P2RX7: variants seen among roughly 807,000 people sequenced by gnomAD.
The protein encoded by P2RX7 is P2X purinoceptor 7.
P2RX7 carries 62 observed loss-of-function variants against 71.6 expected under a neutral mutation model. The observed-to-expected ratio is 0.87, with a 90% confidence interval of 0.71 to 1.07. The LOEUF is 1.07. Ranked by LOEUF, P2RX7 falls within the 50% of genes least tolerant of loss-of-function variation. The pLI is 0.00. For missense variants in P2RX7, 686 were observed against 748.5 expected, an observed-to-expected ratio of 0.92 and a Z score of 0.97; for synonymous variants, 299 against 283.3, an observed-to-expected ratio of 1.06 and a Z score of -0.56.
At chr12:121,158,212 A>G (rs553554061) in intron 3 of P2RX7, among the ~76,000 whole-genome samples, 1 of 152,204 alleles carries the variant, frequency 6.6e-6, no homozygotes, top group East Asian at 1.9e-4. Flanking sequence ...AACTACCCTG[A>G]TCATGGTGGG....
In P2RX7 at chr12:121,163,327, TACACAC is replaced by T. The variant is rs113687409; in HGVS notation, c.533+832_533+837del. ...AGGTAAGCCCCATGCATGCCTGGCT[TACACAC>T]ACACACACACACACACACACACACG... On this transcript the variant is annotated intron_variant, in intron 5 of 12. Transcript: ENST00000328963. Among the ~76,000 whole-genome samples the T allele has an allele frequency of 2.3e-3, 337 of 145,232 alleles. 1 individual carries two copies. Among genetic ancestry groups the T allele is most frequent in the Middle Eastern group, 7.0e-3 (2 of 284 alleles).
At chr12:121,145,617 C>T (rs533622340) in intron 1 of P2RX7, among the ~76,000 whole-genome samples, 4 of 152,136 alleles carry the variant, frequency 2.6e-5, no homozygotes, top group African/African-American at 7.2e-5. Flanking sequence ...AGTGATTCTC[C>T]TGCCTCAGCC....
At chr12:121,174,156 T>C (rs1882692110) in intron 8 of P2RX7, among the ~76,000 whole-genome samples, 1 of 149,536 alleles carries the variant, frequency 6.7e-6, no homozygotes, top group South Asian at 2.1e-4. Flanking sequence ...CAAGTGATTC[T>C]CGTGCCTCAG....
chr12:121,143,158 T>C (rs1347758815), intron 1 of P2RX7, among the ~76,000 whole-genome samples: 1 of 147,860 alleles, frequency 6.8e-6, no homozygotes, highest in African/African-American at 2.5e-5. Context: ...GGTGGGCAGA[T>C]CACCTGGGTT....
Position 121,166,130 on chromosome 12 carries a change from C to T in P2RX7, c.687C>T (p.Phe229=), listed in dbSNP as rs1214996936. 1.9e-6 allele frequency: 3 copies of T among 1,614,048 alleles called. No individual in the cohort carries two copies. Among genetic ancestry groups the T allele is most frequent in the Admixed American group, 3.3e-5 (2 of 60,028 alleles). ...HKTQNPQCPI[F]RLGDIFRETG... ...CTCAGAATCCACAGTGTCCCATTTTCCGACTAGGAGACATCTTCCGAGAAA... is the reference window on the plus strand; with the variant it reads ...CTCAGAATCCACAGTGTCCCATTTTTCGACTAGGAGACATCTTCCGAGAAA... The change falls in exon 7 of 13, where the codon TTC becomes TTT. Residue 229 remains phenylalanine (F), a synonymous_variant. Transcript: ENST00000328963.
rs1182413268 is a variant in P2RX7 at position 121,184,716 on chromosome 12, A to G, written c.1702A>G (p.Ile568Val). ...FGSQDMADFA[I>V]LPSCCRWRIR... ...CTCCCAGGACATGGCTGACTTTGCCATCCTGCCCAGCTGCTGCCGCTGGAG... is the reference window on the plus strand; with the variant it reads ...CTCCCAGGACATGGCTGACTTTGCCGTCCTGCCCAGCTGCTGCCGCTGGAG... The change falls in exon 13 of 13, where the codon ATC becomes GTC. Residue 568 changes from isoleucine to valine, a missense_variant. Transcript: ENST00000328963. 1.3e-6 allele frequency: 2 copies of G among 1,563,264 alleles called. No individual in the cohort carries two copies. Among genetic ancestry groups the G allele is most frequent in the Middle Eastern group, 1.7e-4 (1 of 6,024 alleles).
At chr12:121,172,464 T>C (rs2136121947) in intron 8 of P2RX7, among the ~76,000 whole-genome samples, 1 of 152,268 alleles carries the variant, frequency 6.6e-6, no homozygotes, top group East Asian at 1.9e-4. Flanking sequence ...CCATCATCTC[T>C]ATAAAAAAAT....
intron 5 of P2RX7, 36 bp from the exon 6 acceptor site, chr12:121,165,321 C>T (rs1197354505): frequency 1.8e-5 from 29 of 1,569,372 alleles, no homozygotes; most frequent in Non-Finnish European, 2.3e-5. Flanking sequence ...CGGTTCCCCC[C>T]GTCACTAATG....
intron 3 of P2RX7, among the ~76,000 whole-genome samples, chr12:121,160,239 C>A (rs1879396802): frequency 6.6e-6 from 1 of 152,086 alleles, no homozygotes; most frequent in South Asian, 2.1e-4. Flanking sequence ...CCTCCACCTC[C>A]CAGGTTCAAG....
At chr12:121,177,093 A>T in intron 9 of P2RX7, 54 bp from the exon 10 acceptor site, 7 of 1,508,196 alleles carry the variant, frequency 4.6e-6, no homozygotes, top group Non-Finnish European at 6.5e-6. Flanking sequence ...ACGTTGAAGC[A>T]AAAGAGCGTT....
intron 1 of P2RX7, among the ~76,000 whole-genome samples, chr12:121,133,424 G>A (rs181065325): frequency 6.6e-6 from 1 of 152,232 alleles, no homozygotes; most frequent in Non-Finnish European, 1.5e-5. Flanking sequence ...GGATCTCAGG[G>A]CACGCCTGGT....
Position 121,184,585 on chromosome 12 carries a change from A to C in P2RX7, c.1571A>C (p.Gln524Pro). The C allele has an allele frequency of 6.2e-7, 1 of 1,614,104 alleles. No homozygotes were observed. Among genetic ancestry groups the C allele is most frequent in the Non-Finnish European group, 8.5e-7 (1 of 1,180,000 alleles). Reference sequence around the variant, plus strand: ...CTGGTCCTGTCCAGACACGTCCTGCAGTTCCTCCTGCTCTACCAGGAGCCC... The same window carrying C: ...CTGGTCCTGTCCAGACACGTCCTGCCGTTCCTCCTGCTCTACCAGGAGCCC... ...RKLVLSRHVLQFLLLYQEPLL... is the reference protein window; with the variant it reads ...RKLVLSRHVLPFLLLYQEPLL... Residue 524 changes from glutamine (Q) to proline (P), a missense_variant, in exon 13 of 13, where the codon CAG (glutamine) becomes CCG (proline). Physicochemically the swap from Gln to Pro is moderately conservative, Grantham distance 76 (BLOSUM62 -1). Transcript: ENST00000328963.
chr12:121,171,974 G>C (rs966312647), intron 8 of P2RX7, among the ~76,000 whole-genome samples: 3 of 149,866 alleles, frequency 2.0e-5, no homozygotes, highest in African/African-American at 7.4e-5. Flanking sequence ...CGATTCTCTT[G>C]CCTCAGCCTC....
chr12:121,153,969 A>C (rs147581777), intron 1 of P2RX7, among the ~76,000 whole-genome samples: 3 of 152,200 alleles, frequency 2.0e-5, no homozygotes, highest in African/African-American at 7.2e-5. Context: ...AAAAATAATA[A>C]AAACTAGCTG....
At chr12:121,158,874 T>G (rs750628818) in intron 3 of P2RX7, among the ~76,000 whole-genome samples, 17 of 152,314 alleles carry the variant, frequency 1.1e-4, no homozygotes, top group Middle Eastern at 3.4e-3. Context: ...CTTCCATGAC[T>G]ATCAAGACCT....
rs772281259 is a variant in P2RX7, at chr12:121,165,394, C to T, written c.571C>T (p.Leu191Phe). Residue 191 changes from leucine to phenylalanine, a missense_variant, in exon 6 of 13, where the codon CTC (leucine) becomes TTC (phenylalanine). Transcript: ENST00000328963. ...GAACAGTGCCGAAAACTTCACTGTG[C>T]TCATCAAGAACAATATCGACTTCCC... ...LLNSAENFTV[L>F]IKNNIDFPGH... The T allele has an allele frequency of 1.9e-6, 3 of 1,613,974 alleles. No individual in the cohort carries two copies. Among genetic ancestry groups the T allele is most frequent in the Non-Finnish European group, 2.5e-6 (3 of 1,180,016 alleles).
At chr12:121,182,042 CAACAGAACAAGCTCCATCTA>C (rs1884228408) in intron 12 of P2RX7, among the ~76,000 whole-genome samples, 1 of 142,406 alleles carries the variant, frequency 7.0e-6, no homozygotes, top group African/African-American at 2.7e-5. Context: ...CTAGCCTGGG[CAACAGAACAAGCTCCATCTA>C]AAAAAAAAAA....
Position 121,165,380 on chromosome 12 carries a change from A to T in P2RX7, c.557A>T (p.Glu186Val), listed in dbSNP as rs978360392. The T allele has an allele frequency of 2.5e-6, 4 of 1,613,994 alleles. No homozygotes were observed. The African/African-American group carries it at 4.0e-5, about 16-fold the overall frequency. ...APRPALLNSA[E>V]NFTVLIKNNI... Reference sequence around the variant, plus strand: ...AGGCCTGCTCTCTTGAACAGTGCCGAAAACTTCACTGTGCTCATCAAGAAC... The same window carrying T: ...AGGCCTGCTCTCTTGAACAGTGCCGTAAACTTCACTGTGCTCATCAAGAAC... The change falls in exon 6 of 13, where the codon GAA becomes GTA. Residue 186 changes from glutamate (E) to valine (V), a missense_variant. Transcript: ENST00000328963.
In P2RX7 at chr12:121,162,533, G is replaced by A. The variant is rs1237521413; in HGVS notation, c.533+13G>A. On this transcript the variant is annotated intron_variant, in intron 5 of 12. Coordinates refer to ENST00000328963, the MANE Select transcript of P2RX7 (RefSeq NM_002562.6). ...AAGAGGCCCCCCGGTGAGTCGCATG[G>A]GGAGACAGACACAGTGGCCCTCAGC... The A allele has an allele frequency of 1.2e-6, 2 of 1,611,084 alleles. No homozygotes were observed. The highest frequency in any genetic ancestry group is 1.1e-5 in the South Asian group (1 of 91,008).
Sources: gnomAD v4.1 joint callset for allele counts (sites outside exome capture counted in the v4.1 genomes callset) on GRCh38, gnomAD v4.1.1 for gene constraint, MANE v1.5 for transcripts, NCBI Gene and HGNC (gene_info 2026-07-23, HGNC 2026-07-21) for gene names.